The following SERPINE2 variants were observed in gnomAD, a reference collection of about 807,000 sequenced individuals.
The protein encoded by SERPINE2 is serpin family E member 2.
SERPINE2 carries 14 observed loss-of-function variants against 36.3 expected under a neutral mutation model. That is an observed-to-expected ratio of 0.39 (90% CI 0.25 to 0.60). The LOEUF (loss-of-function observed/expected upper bound fraction) is 0.60, where lower values mean the gene tolerates loss of function less well. Among genes scored for constraint, SERPINE2 ranks in the 20% least tolerant of loss-of-function variants. The pLI is 0.57. For missense variants in SERPINE2, 418 were observed against 499.6 expected, an observed-to-expected ratio of 0.84 and a Z score of 1.56; for synonymous variants, 192 against 191.8, an observed-to-expected ratio of 1.00 and a Z score of -0.01.
At chr2:223,982,854 T>C (rs989620663) in intron 5 of SERPINE2, 73 bp from the exon 6 acceptor site, 5 of 1,027,228 alleles carry the variant, frequency 4.9e-6, no homozygotes, top group Admixed American at 4.6e-5. Flanking sequence ...CGGTGCATGT[T>C]TACAAACTGA....
chr2:224,009,694 C>CA (rs141729141), intron 1 of SERPINE2, among the ~76,000 whole-genome samples: 36,447 of 146,762 alleles, frequency 0.25, 4,959 homozygotes, highest in African/African-American at 0.38. Context: ...GACTCTGTCT[C>CA]AAAAAAAAAA....
intron 6 of SERPINE2, 42 bp from the exon 7 acceptor site, chr2:223,980,439 G>A: frequency 6.4e-7 from 1 of 1,554,812 alleles, no homozygotes; most frequent in Non-Finnish European, 8.9e-7. Flanking sequence ...TTGTTTGATA[G>A]GCAGGCCATT....
At chr2:224,019,110 ACC>A (rs1691901144) in intron 1 of SERPINE2, among the ~76,000 whole-genome samples, 1 of 152,056 alleles carries the variant, frequency 6.6e-6, no homozygotes, top group Non-Finnish European at 1.5e-5. Flanking sequence ...ACGTTCTAAG[ACC>A]CTCAGTGGAT....
chr2:223,976,558 T>C (rs1171646084), intron 8 of SERPINE2, among the ~76,000 whole-genome samples: 10 of 152,226 alleles, frequency 6.6e-5, no homozygotes, highest in Admixed American at 5.9e-4. Context: ...ACAGATGCAA[T>C]GAGATAAGAG....
In SERPINE2 at chr2:223,975,924, CAA is replaced by C; in HGVS notation, c.1157-22_1157-21del. On this transcript the variant is annotated intron_variant, in intron 8 of 8. Coordinates refer to ENST00000409304, the MANE Select transcript of SERPINE2 (RefSeq NM_001136528.2). ...CAGCACCTACAGAATTAAAAGAAAA[CAA>C]TGCATGACTCTGTAAATTAATAATC... is the stretch of plus-strand genomic sequence containing the variant. The C allele has an allele frequency of 1.9e-6, 3 of 1,584,820 alleles. No individual in the cohort carries two copies. The highest frequency in any genetic ancestry group is 2.6e-6 in the Non-Finnish European group (3 of 1,159,918).
At chr2:223,983,378 C>T (rs922551801) in intron 5 of SERPINE2, among the ~76,000 whole-genome samples, 5 of 152,134 alleles carry the variant, frequency 3.3e-5, no homozygotes, top group African/African-American at 1.2e-4. Context: ...CTCAGCCTCC[C>T]AAGTAGTTGG....
chr2:223,982,791 A>C lies in SERPINE2; in HGVS notation c.885-10T>G, dbSNP rs780746453. Reference sequence around the variant, plus strand: ...TGCTACAGCTGTGAACCTAGCATGAAAGCAGAAATGGAGAAAAAAAATCAC... The same window carrying C: ...TGCTACAGCTGTGAACCTAGCATGACAGCAGAAATGGAGAAAAAAAATCAC... On this transcript the variant is annotated splice_polypyrimidine_tract_variant and intron_variant, in intron 5 of 8. Transcript: ENST00000409304. 16 of 1,603,014 alleles carry C rather than the reference A, an allele frequency of 1.0e-5. No individual in the cohort carries two copies. The highest frequency in any genetic ancestry group is 8.5e-7 in the Non-Finnish European group (1 of 1,173,936).
chr2:224,035,978 G>A (rs772917984), intron 1 of SERPINE2, among the ~76,000 whole-genome samples: 1 of 123,858 alleles, frequency 8.1e-6, no homozygotes, highest in Non-Finnish European at 1.8e-5. Context: ...CTCCATGAAC[G>A]GTGGAACCAC....
chr2:224,015,284 A>G (rs975021377), intron 1 of SERPINE2, among the ~76,000 whole-genome samples: 1 of 152,188 alleles, frequency 6.6e-6, no homozygotes, highest in African/African-American at 2.4e-5. Flanking sequence ...ATGCTCTGAC[A>G]TCGAGGAGAG....
chr2:223,995,735 C>T (rs1489016538), intron 3 of SERPINE2, among the ~76,000 whole-genome samples: 1 of 152,190 alleles, frequency 6.6e-6, no homozygotes, highest in Non-Finnish European at 1.5e-5. Context: ...TATCAAAAGT[C>T]TTGCACCGTT....
chr2:223,977,549 G>C lies in SERPINE2; in HGVS notation c.1151C>G (p.Pro384Arg). Reference sequence around the variant, plus strand: ...GGAAGAGGAGAGTCACTTACCTGTAGGATTATGTCGGATGAAAAACAGAAA... The same window carrying C: ...GGAAGAGGAGAGTCACTTACCTGTACGATTATGTCGGATGAAAAACAGAAA... ...RPFLFFIRHN[P>R]TGAVLFMGQI... Residue 384 changes from proline (P) to arginine (R), a missense_variant, in exon 8 of 9, where the codon CCT (proline) becomes CGT (arginine). Physicochemically the swap from Pro to Arg is moderately radical, Grantham distance 103. Transcript: ENST00000409304. The C allele has an allele frequency of 1.2e-6, 2 of 1,602,046 alleles. No homozygotes were observed. The highest frequency in any genetic ancestry group is 1.7e-6 in the Non-Finnish European group (2 of 1,169,082).
At chr2:224,008,685 T>G (rs944939901) in intron 1 of SERPINE2, among the ~76,000 whole-genome samples, 2 of 152,220 alleles carry the variant, frequency 1.3e-5, no homozygotes, top group African/African-American at 2.4e-5. Flanking sequence ...AATCAGCCAC[T>G]TCTCCAGGGA....
intron 4 of SERPINE2, among the ~76,000 whole-genome samples, chr2:223,987,842 A>G (rs1296682144): frequency 6.6e-6 from 1 of 152,188 alleles, no homozygotes; most frequent in African/African-American, 2.4e-5. Context: ...CACACTGTAA[A>G]ATCAAAGAGG....
intron 1 of SERPINE2, among the ~76,000 whole-genome samples, chr2:224,008,159 T>C (rs555436709): frequency 5.3e-4 from 80 of 152,308 alleles, no homozygotes; most frequent in African/African-American, 1.9e-3. Context: ...AGAGGTGCCG[T>C]AGAGGGTGGT....
intron 1 of SERPINE2, among the ~76,000 whole-genome samples, chr2:224,033,044 T>C (rs562439297): frequency 6.6e-6 from 1 of 152,206 alleles, no homozygotes; most frequent in Non-Finnish European, 1.5e-5. Flanking sequence ...TATTCTTAAA[T>C]TGGGAACTTG....
intron 2 of SERPINE2, among the ~76,000 whole-genome samples, chr2:224,001,119 C>T (rs1691101205): frequency 6.6e-6 from 1 of 152,158 alleles, no homozygotes; most frequent in Admixed American, 6.5e-5. Flanking sequence ...ATTCAGATTT[C>T]ACTCATTTTC....
At chr2:223,982,511 G>A (rs986384684) in intron 6 of SERPINE2, 170 bp downstream of exon 6, 14 of 494,082 alleles carry the variant, frequency 2.8e-5, no homozygotes, top group East Asian at 2.3e-4. Context: ...AATAAATGAA[G>A]GTCAATAAAT....
At chr2:223,982,491 G>A in intron 6 of SERPINE2, 190 bp downstream of exon 6, 1 of 484,364 alleles carries the variant, frequency 2.1e-6, no homozygotes. Flanking sequence ...AAAGATAAAA[G>A]GAAAAAATAA....
At position 224,029,157 on chromosome 2, in the gene SERPINE2, G is replaced by C. The variant is rs371838657; in HGVS notation, c.-23+9942C>G. On this transcript the variant is annotated intron_variant, in intron 1 of 8. Coordinates refer to ENST00000409304, the MANE Select transcript of SERPINE2 (RefSeq NM_001136528.2). The stretch of plus-strand genomic sequence containing the variant: ...GTTATTTTAACTAACATGTCATTAA[G>C]AAATTAGCACAGGTTTGGCATAAGA... Among the ~76,000 whole-genome samples, 18 of 152,302 alleles carry C rather than the reference G, an allele frequency of 1.2e-4. No homozygotes were observed. The East Asian group carries it at 2.1e-3, about 18-fold the overall frequency.
Sources: allele counts gnomAD v4.1 joint callset (sites outside exome capture counted in the v4.1 genomes callset), GRCh38; gene constraint gnomAD v4.1.1; transcripts MANE v1.5; gene names NCBI Gene and HGNC (gene_info 2026-07-23, HGNC 2026-07-21).